Variants in RSPH14 observed in about 807,000 individuals in gnomAD.
The protein encoded by RSPH14 is rhabdoid tumor deletion region gene 1.
Under a neutral mutation model 26.7 loss-of-function variants are expected in RSPH14, and 20 were observed. That is an observed-to-expected ratio of 0.75 (90% CI 0.53 to 1.09). RSPH14 has a LOEUF of 1.09. Ranked by LOEUF, RSPH14 falls within the 50% of genes least tolerant of loss-of-function variation. RSPH14 has a pLI of 0.00. For missense variants in RSPH14, 449 were observed against 457.2 expected, an observed-to-expected ratio of 0.98 and a Z score of 0.16; for synonymous variants, 177 against 189.3, an observed-to-expected ratio of 0.93 and a Z score of 0.53.
At chr22:23,069,638 C>A (rs553161871) in intron 4 of RSPH14, among the ~76,000 whole-genome samples, 1 of 152,296 alleles carries the variant, frequency 6.6e-6, no homozygotes, top group East Asian at 1.9e-4. Context: ...TCCCTTCCTT[C>A]CCTCCCAAGG....
intron 4 of RSPH14, among the ~76,000 whole-genome samples, chr22:23,108,621 G>A (rs1219895364): frequency 6.6e-6 from 1 of 152,258 alleles, no homozygotes; most frequent in African/African-American, 2.4e-5. Context: ...GAAGGAGATT[G>A]TCCAGGAGGT....
At chr22:23,065,534 C>CAAAAAAAAAAAAA (rs10562943) in intron 4 of RSPH14, among the ~76,000 whole-genome samples, 1 of 45,158 alleles carries the variant, frequency 2.2e-5, no homozygotes, top group African/African-American at 8.7e-5. Context: ...GCACAGATTG[C>CAAAAAAAAAAAAA]AAAAAAAAAA....
chr22:23,152,448 A>G, the RSPH14 span: 1 of 1,614,142 alleles, frequency 6.2e-7, no homozygotes, highest in Non-Finnish European at 8.5e-7. Context: ...CAACACGGCC[A>G]TATTTCTCAC....
At chr22:23,065,534 C>CAAA (rs10562943) in intron 4 of RSPH14, among the ~76,000 whole-genome samples, 629 of 45,152 alleles carry the variant, frequency 0.014, 203 homozygotes, top group African/African-American at 0.043. Flanking sequence ...GCACAGATTG[C>CAAA]AAAAAAAAAA....
the RSPH14 span, among the ~76,000 whole-genome samples, chr22:23,168,492 CCCGCCA>C: frequency 6.8e-6 from 1 of 147,320 alleles, no homozygotes. Context: ...GGCACCGCTC[CCCGCCA>C]CACACACACA....
chr22:23,159,239 T>C, the RSPH14 span: 2 of 1,596,240 alleles, frequency 1.3e-6, no homozygotes, highest in South Asian at 1.1e-5. Flanking sequence ...TACTGGTCAG[T>C]GTCGGCCAAG....
At chr22:23,142,065 T>C (rs1569198863), upstream of RSPH14, 2 of 983,582 alleles carry the variant, frequency 2.0e-6, no homozygotes, top group East Asian at 1.1e-4. Flanking sequence ...GCGGTCGACA[T>C]AATCAGCACC....
chr22:23,072,075 G>GC (rs1158809712), intron 4 of RSPH14, among the ~76,000 whole-genome samples: 32 of 152,156 alleles, frequency 2.1e-4, no homozygotes, highest in Non-Finnish European at 4.3e-4. Context: ...CTGGAGAAGA[G>GC]CTAGCTTTAA....
the RSPH14 span, among the ~76,000 whole-genome samples, chr22:23,170,050 T>C: frequency 6.6e-6 from 1 of 150,436 alleles, no homozygotes; most frequent in Non-Finnish European, 1.5e-5. Context: ...AGAGCTGAGA[T>C]TGTGCCACTG....
the RSPH14 span, chr22:23,162,382 C>T: frequency 2.9e-6 from 1 of 344,000 alleles, no homozygotes; most frequent in South Asian, 2.2e-5. Context: ...CACTCTGCAG[C>T]CCTTGAACAT....
At chr22:23,132,233 T>C (rs758556899) in intron 4 of RSPH14, among the ~76,000 whole-genome samples, 8 of 152,206 alleles carry the variant, frequency 5.3e-5, no homozygotes, top group Non-Finnish European at 8.8e-5. Flanking sequence ...CAGGTTCATC[T>C]GACTCCTGGG....
upstream of RSPH14, among the ~76,000 whole-genome samples, chr22:23,147,519 G>C (rs115742390): frequency 0.012 from 1,802 of 152,048 alleles, 37 homozygotes; most frequent in African/African-American, 0.042. Flanking sequence ...TTTTAATAGA[G>C]ATGAAGTCTT....
chr22:23,172,991 T>C, the RSPH14 span, among the ~76,000 whole-genome samples: 2 of 83,092 alleles, frequency 2.4e-5, no homozygotes, highest in African/African-American at 5.0e-5. Context: ...TCATACAGTA[T>C]GTAGCCTTTT....
chr22:23,180,240 T>C, the RSPH14 span: 1 of 207,240 alleles, frequency 4.8e-6, no homozygotes, highest in Non-Finnish European at 9.8e-6. Flanking sequence ...CCCAGACCTC[T>C]GTATTGGAAA....
In RSPH14 at chr22:23,082,080, G is replaced by C. The variant is rs541425078; in HGVS notation, c.422-17947C>G. ...GCGGAGCTTGCAGTGAGCCGAGATCGTGCCGCTGCACTCCAGCCTGGGCGA... is the reference window on the plus strand; with the variant it reads ...GCGGAGCTTGCAGTGAGCCGAGATCCTGCCGCTGCACTCCAGCCTGGGCGA... On this transcript the variant is annotated intron_variant, in intron 4 of 6. Transcript: ENST00000216036. Among the ~76,000 whole-genome samples, 605 of 148,394 alleles carry C rather than the reference G, an allele frequency of 4.1e-3. 2 individuals are homozygous for C. Among genetic ancestry groups the C allele is most frequent in the Non-Finnish European group, 6.1e-3 (413 of 67,180 alleles).
At chr22:23,059,821 A>G in intron 6 of RSPH14, 103 bp from the exon 7 acceptor site, 1 of 1,297,680 alleles carries the variant, frequency 7.7e-7, no homozygotes, top group Non-Finnish European at 1.0e-6. Context: ...TGCAGTCTCA[A>G]GGGGTTTATG....
At chr22:23,122,743 G>C (rs1182241378) in intron 4 of RSPH14, 3 of 305,394 alleles carry the variant, frequency 9.8e-6, no homozygotes, top group African/African-American at 2.1e-5. Context: ...AAGATGGGGG[G>C]TCCTCGGAGC....
At position 23,140,224 on chromosome 22, in the gene RSPH14, A is replaced by G. The variant is rs1380058268; in HGVS notation, c.197T>C (p.Ile66Thr). The change falls in exon 2 of 7, where the codon ATA becomes ACA. Residue 66 changes from isoleucine to threonine, a missense_variant and splice_region_variant. Transcript: ENST00000216036. Reference sequence around the variant, plus strand: ...CACCTGTGCTGTGTCACGCTCACCTATGTTCATGGCCTTGTAGATACACTC... The same window carrying G: ...CACCTGTGCTGTGTCACGCTCACCTGTGTTCATGGCCTTGTAGATACACTC... The part of the protein sequence containing the change: ...DPECIYKAMN[I>T]GCMENLKALL... 6.2e-7 allele frequency: 1 copy of G among 1,613,608 alleles called. No individual in the cohort carries two copies. The highest frequency in any genetic ancestry group is 8.5e-7 in the Non-Finnish European group (1 of 1,180,018).
At chr22:23,065,083 A>C (rs13056137) in intron 4 of RSPH14, among the ~76,000 whole-genome samples, 121,135 of 152,182 alleles carry the variant, frequency 0.8, 48,663 homozygotes, top group East Asian at 0.96. Context: ...TGGCCACCAG[A>C]AGACACCTCT....
Sources: allele counts gnomAD v4.1 joint callset (sites outside exome capture counted in the v4.1 genomes callset), GRCh38; gene constraint gnomAD v4.1.1; transcripts MANE v1.5; gene names NCBI Gene and HGNC (gene_info 2026-07-23, HGNC 2026-07-21).